Variants in GATA6 observed in about 807,000 individuals in gnomAD.
GATA6 encodes transcription factor GATA-6.
In GATA6, 11 loss-of-function variants were observed where a neutral mutation model predicts 48.1. That is an observed-to-expected ratio of 0.23 (90% CI 0.14 to 0.38). The LOEUF (loss-of-function observed/expected upper bound fraction) is 0.38. GATA6 is among the 10% of genes least tolerant of loss of function. The probability of loss-of-function intolerance (pLI) is 1.00; values close to 1 mark genes in which losing one functional copy is unlikely to be tolerated. For synonymous variants in GATA6, 419 were observed against 396.1 expected (o/e 1.06, Z -0.69); for missense variants, 795 against 850.3 (o/e 0.93, Z 0.81).
intron 6 of GATA6, among the ~76,000 whole-genome samples, chr18:22,194,000 T>A (rs191776332): frequency 2.6e-4 from 39 of 151,886 alleles, no homozygotes; most frequent in Admixed American, 2.4e-3. Flanking sequence ...TTTGTCTCCA[T>A]GAGTTGATCC....
chr18:22,199,640 C>T (rs1389417852), intron 6 of GATA6, among the ~76,000 whole-genome samples: 5 of 152,196 alleles, frequency 3.3e-5, no homozygotes, highest in East Asian at 1.9e-4. Flanking sequence ...CAGTGGCTCA[C>T]GCCTGTAATC....
chr18:22,173,987 C>T (rs2033089952), intron 2 of GATA6, among the ~76,000 whole-genome samples: 1 of 152,146 alleles, frequency 6.6e-6, no homozygotes, highest in Non-Finnish European at 1.5e-5. Context: ...ACCATTTTTC[C>T]CCTGTGTGTG....
chr18:22,169,788 C>G (rs768174109), intron 1 of GATA6, 106 bp downstream of exon 1: 1 of 152,344 alleles, frequency 6.6e-6, no homozygotes, highest in Non-Finnish European at 1.5e-5. Flanking sequence ...AGGCCGCGGT[C>G]GGCTCCGACG....
intron 3 of GATA6, among the ~76,000 whole-genome samples, chr18:22,179,701 G>C (rs958408903): frequency 6.6e-6 from 1 of 152,188 alleles, no homozygotes; most frequent in Non-Finnish European, 1.5e-5. Context: ...AGAAAAGCCT[G>C]GATGTGTAAA....
rs139666654 is a variant in GATA6 at position 22,171,206 on chromosome 18, C to G, written c.62C>G (p.Ala21Gly). The G allele has an allele frequency of 1.3e-4, 200 of 1,599,824 alleles. 1 individual carries two copies. The African/African-American group carries it at 1.4e-3, about 11-fold the overall frequency. ...CGCTTCGGGGCCGCGGGTGCGGACG[C>G]CAGCGACTCCAGAGCCTTTCCAGCG... ...PKRFGAAGAD[A>G]SDSRAFPARE... The change falls in exon 2 of 7, where the codon GCC (alanine) becomes GGC (glycine). Residue 21 changes from alanine (A) to glycine (G), a missense_variant. This residue lies in a region of GATA6 where 591 missense variants were observed against 570.0 expected (regional missense o/e 1.04). Coordinates refer to ENST00000269216, the MANE Select transcript of GATA6 (RefSeq NM_005257.6). This position sits in a 1 kb window ranked among gnomAD's most constrained non-coding sequence, Gnocchi z 7.1.
At chr18:22,187,859 A>C (rs1235268344) in intron 6 of GATA6, among the ~76,000 whole-genome samples, 5 of 152,312 alleles carry the variant, frequency 3.3e-5, no homozygotes, top group Middle Eastern at 3.4e-3. Flanking sequence ...AAAAGAAAAA[A>C]AAATTAGCAA....
intron 3 of GATA6, among the ~76,000 whole-genome samples, chr18:22,177,460 A>G (rs1383990949): frequency 1.3e-5 from 2 of 152,242 alleles, no homozygotes; most frequent in East Asian, 3.8e-4. Context: ...TTTAAGCAAA[A>G]AAAGAAAAAA....
chr18:22,199,025 G>T (rs766164628), intron 6 of GATA6, among the ~76,000 whole-genome samples: 1 of 152,118 alleles, frequency 6.6e-6, no homozygotes, highest in African/African-American at 2.4e-5. Flanking sequence ...CCTGTGGAGG[G>T]GTCGGGTTTG....
At position 22,171,342 on chromosome 18, in the gene GATA6, C is replaced by T. The variant is rs1327777489; in HGVS notation, c.198C>T (p.Asp66=). The T allele has an allele frequency of 6.3e-7, 1 of 1,587,314 alleles. No individual in the cohort carries two copies. The highest frequency in any genetic ancestry group is 1.7e-5 in the Admixed American group (1 of 59,060). Residue 66 remains aspartate, a synonymous_variant, in exon 2 of 7, where the codon GAC becomes GAT. Transcript: ENST00000269216. This position sits in a 1 kb window ranked among gnomAD's most constrained non-coding sequence, Gnocchi z 7.1. ...GASNCGTPQL[D]TEAAAGPPAR... ...GCAACTGCGGGACGCCTCAGCTCGA[C>T]ACGGAGGCGGCGGCCGGACCCCCGG...
Position 22,170,829 on chromosome 18 carries a change from G to A in GATA6, c.-37-279G>A. On this transcript the variant is annotated intron_variant, in intron 1 of 6. Coordinates refer to ENST00000269216, the MANE Select transcript of GATA6 (RefSeq NM_005257.6). The surrounding 1 kb of genome is among the most constrained non-coding windows in gnomAD (Gnocchi z 6.7). ...GAGAAAGGATGCGGCCGAGGGGGTG[G>A]GCGGGGAGGACGCGGGGACCGGAGC... 2.1e-6 allele frequency: 1 copy of A among 475,888 alleles called. No individual in the cohort carries two copies. The highest frequency in any genetic ancestry group is 3.8e-6 in the Non-Finnish European group (1 of 265,020). 29.5% of individuals were successfully genotyped at this position (475,888 alleles called of 1,614,324 possible).
At chr18:22,169,939 G>T (rs1239298542) in intron 1 of GATA6, among the ~76,000 whole-genome samples, 1 of 152,244 alleles carries the variant, frequency 6.6e-6, no homozygotes, top group African/African-American at 2.4e-5. Context: ...CGGCGCAAAG[G>T]GGCGGGAGCC....
rs193273091 is a variant in GATA6, at chr18:22,200,921, C to T, written c.*98C>T. 6.3e-5 allele frequency: 79 copies of T among 1,251,682 alleles called. No individual in the cohort carries two copies. Among genetic ancestry groups the T allele is most frequent in the Non-Finnish European group, 6.7e-6 (6 of 897,750 alleles). 77.5% of individuals were successfully genotyped at this position (1,251,682 alleles called of 1,614,324 possible). A position where few individuals can be genotyped will look rare whatever the true frequency, so the allele number is the denominator to read the frequency against. On this transcript the variant is annotated 3_prime_UTR_variant, in exon 7 of 7. Coordinates refer to ENST00000269216, the MANE Select transcript of GATA6 (RefSeq NM_005257.6). ...GTCCAGACAGTGGCGACTGCGCTGA[C>T]AGAACGTGATTCTCGTGCCTTTATT...
chr18:22,177,204 C>T, intron 3 of GATA6, 83 bp downstream of exon 3: 2 of 1,309,452 alleles, frequency 1.5e-6, no homozygotes, highest in Non-Finnish European at 2.0e-6. Flanking sequence ...GCTCGGCCTG[C>T]CTTGGGCGTC....
At chr18:22,173,581 A>G (rs2033083993) in intron 2 of GATA6, among the ~76,000 whole-genome samples, 1 of 152,180 alleles carries the variant, frequency 6.6e-6, no homozygotes, top group South Asian at 2.1e-4. Flanking sequence ...AGTGGTCTGA[A>G]AGAGAGGGAA....
intron 4 of GATA6, among the ~76,000 whole-genome samples, 180 bp from the exon 5 acceptor site, chr18:22,182,577 C>T (rs1246969496): frequency 6.6e-6 from 1 of 152,262 alleles, no homozygotes; most frequent in Non-Finnish European, 1.5e-5. Context: ...AGGCTGGTTT[C>T]GAACTCCTGA....
At chr18:22,188,185 G>A (rs2033287179) in intron 6 of GATA6, among the ~76,000 whole-genome samples, 1 of 152,202 alleles carries the variant, frequency 6.6e-6, no homozygotes, top group African/African-American at 2.4e-5. Flanking sequence ...AAGTTAAATG[G>A]AGAGAGAAAT....
At chr18:22,174,426 T>A (rs892995452) in intron 2 of GATA6, among the ~76,000 whole-genome samples, 1 of 152,194 alleles carries the variant, frequency 6.6e-6, no homozygotes, top group Non-Finnish European at 1.5e-5. Context: ...ATGTTTCTTT[T>A]TGTTTTAAAT....
intron 6 of GATA6, 25 bp downstream of exon 6, chr18:22,183,068 C>T (rs755187027): frequency 6.5e-7 from 1 of 1,531,674 alleles, no homozygotes; most frequent in Non-Finnish European, 9.0e-7. Context: ...AGCATAGACT[C>T]CTAAATTACT....
rs774280237 is a variant in GATA6, at chr18:22,181,492, C to T, written c.1342C>T (p.His448Tyr). Residue 448 changes from histidine (H) to tyrosine (Y), a missense_variant, in exon 4 of 7, where the codon CAC (histidine) becomes TAC (tyrosine). Physicochemically the swap from His to Tyr is moderately conservative, Grantham distance 83. Coordinates refer to ENST00000269216, the MANE Select transcript of GATA6 (RefSeq NM_005257.6). ...GCTTGGATTGTCCTGTGCCAACTGT[C>T]ACACCACAACTACCACCTTATGGCG... The part of the protein sequence containing the change: ...RRLGLSCANC[H>Y]TTTTTLWRRN... 6.8e-6 allele frequency: 11 copies of T among 1,614,062 alleles called. No homozygotes were observed. The East Asian group carries it at 1.1e-4, about 16-fold the overall frequency.
Sources: allele counts gnomAD v4.1 joint callset (sites outside exome capture counted in the v4.1 genomes callset), GRCh38; gene constraint gnomAD v4.1.1; regional missense constraint gnomAD v4.1.1; non-coding constraint Gnocchi (gnomAD v3.1); transcripts MANE v1.5; gene names NCBI Gene and HGNC (gene_info 2026-07-23, HGNC 2026-07-21).